The following ABR variants were observed in gnomAD, a reference collection of about 807,000 sequenced individuals.
ABR encodes active breakpoint cluster region-related protein.
In ABR, 35 loss-of-function variants were observed where a neutral mutation model predicts 107.2. That is an observed-to-expected ratio of 0.33 (90% CI 0.25 to 0.43). The LOEUF (loss-of-function observed/expected upper bound fraction) is 0.43, where lower values mean the gene tolerates loss of function less well. Among genes scored for constraint, ABR ranks in the 20% least tolerant of loss-of-function variants. The pLI is 1.00. For synonymous variants in ABR, 498 were observed against 462.0 expected (o/e 1.08, Z -1.00); for missense variants, 815 against 1,115.2 (o/e 0.73, Z 3.83).
intron 2 of ABR, chr17:1,101,303 C>A: frequency 6.5e-6 from 1 of 152,868 alleles, no homozygotes; most frequent in Non-Finnish European, 1.5e-5. Flanking sequence ...TTATTTTAAG[C>A]GACACTTTCA....
intron 7 of ABR, 62 bp from the exon 8 acceptor site, chr17:1,072,816 G>A: frequency 1.3e-6 from 2 of 1,568,484 alleles, no homozygotes; most frequent in Non-Finnish European, 1.7e-6. Context: ...GTGGCCACCG[G>A]GGAGTGCTCA....
At chr17:1,029,414 C>A (rs1165828348) in intron 16 of ABR, among the ~76,000 whole-genome samples, 1 of 152,184 alleles carries the variant, frequency 6.6e-6, no homozygotes, top group African/African-American at 2.4e-5. Flanking sequence ...GATCATGAGA[C>A]CTTTCCATCT....
At chr17:1,054,619 TCAGGGGATGTGGG>T (rs1567662647) in intron 14 of ABR, among the ~76,000 whole-genome samples, 36 of 18,748 alleles carry the variant, frequency 1.9e-3, no homozygotes, top group African/African-American at 3.8e-3. Flanking sequence ...ACAAGGAACC[TCAGGGGATGTGGG>T]CACAAGGAAC....
At chr17:1,180,661 C>T (rs1309298322), upstream of ABR, among the ~76,000 whole-genome samples, 3 of 152,222 alleles carry the variant, frequency 2.0e-5, no homozygotes, top group Non-Finnish European at 2.9e-5. Flanking sequence ...GGACCCCGAG[C>T]CGCGGCCTGG....
At chr17:1,065,742 CTTTTTTT>C (rs56388222) in intron 10 of ABR, among the ~76,000 whole-genome samples, 258 of 116,324 alleles carry the variant, frequency 2.2e-3, no homozygotes, top group South Asian at 7.6e-3. Flanking sequence ...CAAACCAATG[CTTTTTTT>C]TTTTTTTTTT....
intron 16 of ABR, among the ~76,000 whole-genome samples, chr17:1,013,509 G>A (rs1389618468): frequency 6.6e-6 from 1 of 152,156 alleles, no homozygotes; most frequent in Non-Finnish European, 1.5e-5. Flanking sequence ...CCCGGGACAT[G>A]GGTATTATTA....
chr17:1,214,012 C>T (rs1042689873), intron 1 of ABR, among the ~76,000 whole-genome samples: 3 of 151,820 alleles, frequency 2.0e-5, no homozygotes, highest in Non-Finnish European at 4.4e-5. Context: ...CTCAGCCTCC[C>T]GAGTAGCTGG....
intron 1 of ABR, among the ~76,000 whole-genome samples, chr17:1,141,309 T>G (rs1482914318): frequency 2.0e-5 from 3 of 152,050 alleles, no homozygotes; most frequent in Non-Finnish European, 4.4e-5. Context: ...GGAGCAGAGG[T>G]TGGGGAGCCA....
rs367919640 is a variant in ABR, at chr17:1,095,450, T to C, written c.346-3600A>G. On this transcript the variant is annotated intron_variant, in intron 3 of 22. Transcript: ENST00000302538. The stretch of plus-strand genomic sequence containing the variant: ...CTGGCCAGGACCCTCGAGGCCGTTA[T>C]TTGTCTCTGGTGAAGTCCTGCGTAT... Among the ~76,000 whole-genome samples the C allele has an allele frequency of 1.8e-4, 27 of 152,240 alleles. No individual in the cohort carries two copies. The South Asian group carries it at 5.2e-3, about 29-fold the overall frequency.
At chr17:1,062,807 G>C (rs1223253126) in intron 10 of ABR, among the ~76,000 whole-genome samples, 78 of 145,772 alleles carry the variant, frequency 5.4e-4, no homozygotes, top group African/African-American at 1.8e-3. Context: ...TGTGAACTGA[G>C]GGCTATGCAT....
Position 1,050,679 on chromosome 17 carries a change from G to T in ABR, c.1562-45C>A. 6.5e-7 allele frequency: 1 copy of T among 1,540,804 alleles called. No individual in the cohort carries two copies. The highest frequency in any genetic ancestry group is 9.0e-7 in the Non-Finnish European group (1 of 1,114,606). On this transcript the variant is annotated intron_variant, in intron 14 of 22. Transcript: ENST00000302538. This position sits in a 1 kb window ranked among gnomAD's most constrained non-coding sequence, Gnocchi z 4.6. ...GGAGATACTGAGTGAGTGGGGCCAGGGTGGGGCAGCTGGGGCGGCACTCAG... is the reference window on the plus strand; with the variant it reads ...GGAGATACTGAGTGAGTGGGGCCAGTGTGGGGCAGCTGGGGCGGCACTCAG...
intron 16 of ABR, among the ~76,000 whole-genome samples, chr17:1,049,159 T>G (rs1361297746): frequency 1.3e-5 from 2 of 152,094 alleles, no homozygotes; most frequent in African/African-American, 4.8e-5. Flanking sequence ...AAAAGCACAG[T>G]TGAGGCATAA....
chr17:1,090,134 G>C (rs1209690501), intron 4 of ABR, among the ~76,000 whole-genome samples: 2 of 152,184 alleles, frequency 1.3e-5, no homozygotes, highest in African/African-American at 2.4e-5. Context: ...CCAGACGAGA[G>C]GGGGAAGGAC....
intron 1 of ABR, among the ~76,000 whole-genome samples, chr17:1,138,937 G>T (rs1424001632): frequency 6.6e-6 from 1 of 152,160 alleles, no homozygotes; most frequent in Non-Finnish European, 1.5e-5. Flanking sequence ...AGACAGAATG[G>T]GGTTTTTATA....
chr17:1,093,921 A>T (rs930935801), intron 3 of ABR, among the ~76,000 whole-genome samples: 1 of 152,142 alleles, frequency 6.6e-6, no homozygotes, highest in African/African-American at 2.4e-5. Flanking sequence ...CAGATCCAAC[A>T]ATCCATGCAG....
intron 1 of ABR, among the ~76,000 whole-genome samples, chr17:1,145,095 G>T (rs1267638223): frequency 6.6e-6 from 1 of 152,140 alleles, no homozygotes; most frequent in Non-Finnish European, 1.5e-5. Flanking sequence ...GTCTGAGTTC[G>T]TTTGGGTTAT....
intron 16 of ABR, among the ~76,000 whole-genome samples, chr17:1,032,502 T>A (rs1024887507): frequency 6.6e-6 from 1 of 151,740 alleles, no homozygotes; most frequent in African/African-American, 2.4e-5. Context: ...CCATGGCCCT[T>A]TGCACCTCAC....
intron 1 of ABR, among the ~76,000 whole-genome samples, chr17:1,185,253 G>T (rs1331537238): frequency 6.6e-6 from 1 of 152,146 alleles, no homozygotes; most frequent in Non-Finnish European, 1.5e-5. Context: ...AAAGTCCAGT[G>T]ACAATCTCCC....
Position 1,156,711 on chromosome 17 carries a change from C to T in ABR, c.61+22956G>A, listed in dbSNP as rs147160255. Reference sequence around the variant, plus strand: ...AAAGAAAAAAAAAAAGCTTTATGTGCATTATCTTATGTAATCCTCTTAACA... The same window carrying T: ...AAAGAAAAAAAAAAAGCTTTATGTGTATTATCTTATGTAATCCTCTTAACA... On this transcript the variant is annotated intron_variant, in intron 1 of 22. Transcript: ENST00000302538. Among the ~76,000 whole-genome samples, 295 of 152,130 alleles carry T rather than the reference C, an allele frequency of 1.9e-3. 1 individual carries two copies. Among genetic ancestry groups the T allele is most frequent in the Non-Finnish European group, 3.1e-3 (211 of 67,998 alleles).
Sources: allele counts gnomAD v4.1 joint callset (sites outside exome capture counted in the v4.1 genomes callset), GRCh38; gene constraint gnomAD v4.1.1; non-coding constraint Gnocchi (gnomAD v3.1); transcripts MANE v1.5; gene names NCBI Gene and HGNC (gene_info 2026-07-23, HGNC 2026-07-21).